The following ADGRB3 variants were observed in gnomAD, a reference collection of about 807,000 sequenced individuals.
The protein encoded by ADGRB3 is brain-specific angiogenesis inhibitor 3.
In ADGRB3, 37 loss-of-function variants were observed where a neutral mutation model predicts 193.4. The observed-to-expected ratio is 0.19, with a 90% CI of 0.15 to 0.25. The LOEUF (loss-of-function observed/expected upper bound fraction) is 0.25. Ranked by LOEUF, ADGRB3 falls within the 10% of genes least tolerant of loss-of-function variation. The pLI, the probability that ADGRB3 is intolerant of heterozygous loss-of-function variation, is 1.00. For synonymous variants in ADGRB3, 690 were observed against 644.2 expected, an observed-to-expected ratio of 1.07 and a Z score of -1.08; for missense variants, 1,637 against 1,852.9, an observed-to-expected ratio of 0.88 and a Z score of 2.14.
At chr6:69,161,745 G>A (rs992265279) in intron 17 of ADGRB3, among the ~76,000 whole-genome samples, 5 of 152,038 alleles carry the variant, frequency 3.3e-5, no homozygotes, top group African/African-American at 9.7e-5. Flanking sequence ...AATCCCTCAT[G>A]ACGTTATTGA....
chr6:68,638,840 C>T lies in ADGRB3; in HGVS notation c.165C>T (p.Cys55=), dbSNP rs367963699. 3.1e-5 allele frequency: 50 copies of T among 1,613,990 alleles called. No individual in the cohort carries two copies. The highest frequency in any genetic ancestry group is 3.8e-5 in the Non-Finnish European group (45 of 1,180,024). Residue 55 remains cysteine, a synonymous_variant, in exon 3 of 32, where the codon TGC becomes TGT. Coordinates refer to ENST00000370598, the MANE Select transcript of ADGRB3 (RefSeq NM_001704.3). ...TGTTTCCTAAAAACTTTACAAACTG[C>T]ACTTGGACGCTGGAAAATCCAGATC... ...SEMFPKNFTN[C]TWTLENPDPT... is the part of the protein sequence containing the mutation.
At chr6:69,264,520 TTTTA>T (rs2127275492) in intron 20 of ADGRB3, among the ~76,000 whole-genome samples, 1 of 152,044 alleles carries the variant, frequency 6.6e-6, no homozygotes, top group East Asian at 1.9e-4. Context: ...CTCCTTTTTT[TTTTA>T]TTTATTTAGA....
intron 3 of ADGRB3, among the ~76,000 whole-genome samples, chr6:68,902,999 A>G (rs1766440074): frequency 6.6e-6 from 1 of 152,218 alleles, no homozygotes; most frequent in Non-Finnish European, 1.5e-5. Flanking sequence ...AATTGATTAC[A>G]GGCATAGACT....
intron 17 of ADGRB3, among the ~76,000 whole-genome samples, chr6:69,140,338 A>T (rs999114401): frequency 6.6e-6 from 1 of 152,256 alleles, no homozygotes; most frequent in South Asian, 2.1e-4. Context: ...ATACAATGAC[A>T]TGTATAGAAC....
chr6:69,258,528 A>G (rs1766831984), intron 20 of ADGRB3, among the ~76,000 whole-genome samples: 1 of 152,260 alleles, frequency 6.6e-6, no homozygotes, highest in African/African-American at 2.4e-5. Flanking sequence ...TTGCAGAAAT[A>G]AATTACCTTT....
At chr6:68,989,932 T>A (rs935839645) in intron 10 of ADGRB3, among the ~76,000 whole-genome samples, 2 of 152,142 alleles carry the variant, frequency 1.3e-5, no homozygotes, top group African/African-American at 2.4e-5. Context: ...AAATAAGATA[T>A]ATGATATCAG....
chr6:69,294,772 G>A (rs907266007), intron 20 of ADGRB3, among the ~76,000 whole-genome samples: 1 of 151,948 alleles, frequency 6.6e-6, no homozygotes, highest in Non-Finnish European at 1.5e-5. Context: ...TTTTTTTGTT[G>A]TTGTTGTTTG....
intron 20 of ADGRB3, among the ~76,000 whole-genome samples, chr6:69,289,132 C>T (rs868177511): frequency 8.0e-4 from 121 of 152,070 alleles, no homozygotes; most frequent in African/African-American, 2.9e-3. Context: ...GTTTTCTACC[C>T]AAAAGAATAG....
intron 20 of ADGRB3, among the ~76,000 whole-genome samples, chr6:69,310,949 A>C (rs1189470592): frequency 6.6e-6 from 1 of 151,724 alleles, no homozygotes; most frequent in East Asian, 1.9e-4. Flanking sequence ...ATTTCGGCCC[A>C]ATATAGACTA....
intron 13 of ADGRB3, among the ~76,000 whole-genome samples, chr6:69,020,123 T>G (rs1770220712): frequency 6.6e-6 from 1 of 152,028 alleles, no homozygotes; most frequent in African/African-American, 2.4e-5. Context: ...ATTTATGAGT[T>G]AAAATGAGAT....
intron 3 of ADGRB3, among the ~76,000 whole-genome samples, chr6:68,891,990 C>T (rs1162703322): frequency 6.6e-6 from 1 of 152,170 alleles, no homozygotes; most frequent in Non-Finnish European, 1.5e-5. Context: ...ATGTTCTGTC[C>T]ATACTGTCCA....
At chr6:68,694,370 T>G (rs1267420978) in intron 3 of ADGRB3, among the ~76,000 whole-genome samples, 1 of 151,986 alleles carries the variant, frequency 6.6e-6, no homozygotes, top group Non-Finnish European at 1.5e-5. Context: ...TCCATTTGAG[T>G]GGCAGAAACC....
At chr6:68,702,771 C>A (rs1382725828) in intron 3 of ADGRB3, among the ~76,000 whole-genome samples, 9 of 152,082 alleles carry the variant, frequency 5.9e-5, no homozygotes, top group Non-Finnish European at 1.5e-5. Context: ...AAAAATCTTA[C>A]GGTAATATTT....
chr6:68,950,836 G>T (rs970383539), intron 6 of ADGRB3, among the ~76,000 whole-genome samples: 1 of 151,696 alleles, frequency 6.6e-6, no homozygotes, highest in African/African-American at 2.4e-5. Context: ...TTCACAGTAC[G>T]CATTCTTGCC....
intron 3 of ADGRB3, among the ~76,000 whole-genome samples, chr6:68,897,519 A>G: frequency 1.1e-5 from 1 of 90,870 alleles, no homozygotes; most frequent in South Asian, 5.2e-4. Flanking sequence ...GAAGGAAGGG[A>G]GGGAGGAAAG....
chr6:69,010,714 A>T (rs183438769), intron 11 of ADGRB3, among the ~76,000 whole-genome samples: 36 of 151,574 alleles, frequency 2.4e-4, no homozygotes, highest in African/African-American at 7.5e-4. Flanking sequence ...AACAGTTCAG[A>T]TTCTGCCAAG....
At chr6:68,761,519 C>T (rs1365796015) in intron 3 of ADGRB3, among the ~76,000 whole-genome samples, 1 of 151,314 alleles carries the variant, frequency 6.6e-6, no homozygotes, top group Non-Finnish European at 1.5e-5. Flanking sequence ...CAGGCTTGTT[C>T]AGTGTCGATG....
At chr6:69,237,358 T>C (rs1766287632) in intron 19 of ADGRB3, among the ~76,000 whole-genome samples, 1 of 152,046 alleles carries the variant, frequency 6.6e-6, no homozygotes, top group African/African-American at 2.4e-5. Context: ...GCGTTGCATG[T>C]AGTTCATCAG....
chr6:69,325,341 T>A (rs1334223791), intron 21 of ADGRB3, among the ~76,000 whole-genome samples: 2 of 152,048 alleles, frequency 1.3e-5, no homozygotes, highest in African/African-American at 4.8e-5. Context: ...TACCTTAAAA[T>A]TTTCAAGGCC....
Sources: allele counts gnomAD v4.1 joint callset (sites outside exome capture counted in the v4.1 genomes callset), GRCh38; gene constraint gnomAD v4.1.1; transcripts MANE v1.5; gene names NCBI Gene and HGNC (gene_info 2026-07-23, HGNC 2026-07-21).